The following PKNOX2 variants were observed in gnomAD, a reference collection of about 807,000 sequenced individuals.
PKNOX2 encodes homeobox protein PKNOX2.
PKNOX2 carries 14 observed loss-of-function variants against 53.1 expected under a neutral mutation model. The ratio of observed to expected loss-of-function variants is 0.26; its 90% CI spans 0.17 to 0.41. The LOEUF (loss-of-function observed/expected upper bound fraction) is 0.41, where lower values mean the gene tolerates loss of function less well. PKNOX2 is among the 10% of genes least tolerant of loss of function. The probability of loss-of-function intolerance (pLI) is 1.00; values close to 1 mark genes in which losing one functional copy is unlikely to be tolerated. For missense variants in PKNOX2, 496 were observed against 602.8 expected (o/e 0.82, Z 1.85); for synonymous variants, 257 against 242.8 (o/e 1.06, Z -0.54).
intron 6 of PKNOX2, among the ~76,000 whole-genome samples, chr11:125,389,333 T>C (rs1470248541): frequency 6.6e-6 from 1 of 152,174 alleles, no homozygotes; most frequent in Non-Finnish European, 1.5e-5. Context: ...GATCCTCCGC[T>C]CTGCCCACAA....
At position 125,274,118 on chromosome 11, in the gene PKNOX2, T is replaced by C. The variant is rs575926440; in HGVS notation, c.-130+39003T>C. Among the ~76,000 whole-genome samples the C allele has an allele frequency of 5.9e-5, 9 of 152,356 alleles. No homozygotes were observed. The South Asian group carries it at 1.9e-3, about 32-fold the overall frequency. ...GTGCCTAAAGCTGTGCTAAGTACTT[T>C]GCATTTATTCTCTCATTTACTTTTA... On this transcript the variant is annotated intron_variant, in intron 2 of 12. Transcript: ENST00000298282.
intron 7 of PKNOX2, among the ~76,000 whole-genome samples, chr11:125,407,168 A>G (rs1000626715): frequency 5.3e-5 from 8 of 152,122 alleles, no homozygotes; most frequent in Admixed American, 5.2e-4. Context: ...CCAGCCAAAG[A>G]CCCAGGGAAG....
rs114370803 is a variant in PKNOX2, at chr11:125,308,352, C to G, written c.-129-23467C>G. ...CCCCCAAGAATGGCAGCACCCCCAA[C>G]CCTAGGGCTTTCCTTTCCCACCTCT... On this transcript the variant is annotated intron_variant, in intron 2 of 12. Transcript: ENST00000298282. Among the ~76,000 whole-genome samples the G allele has an allele frequency of 1.1e-3, 164 of 152,326 alleles. 2 individuals are homozygous for G. Among genetic ancestry groups the G allele is most frequent in the African/African-American group, 3.8e-3 (157 of 41,582 alleles).
chr11:125,264,332 C>G (rs930804277), intron 2 of PKNOX2, among the ~76,000 whole-genome samples: 1 of 152,178 alleles, frequency 6.6e-6, no homozygotes, highest in African/African-American at 2.4e-5. Context: ...TGCTAGAGCT[C>G]CTTCCCCAGA....
In PKNOX2 at chr11:125,275,487, A is replaced by C. The variant is rs548940714; in HGVS notation, c.-130+40372A>C. ...GAGGACTATAACGGGGAGAGTGAGGAGAGCTGAGTGTGCTTTAGAAAGACC... is the reference window on the plus strand; with the variant it reads ...GAGGACTATAACGGGGAGAGTGAGGCGAGCTGAGTGTGCTTTAGAAAGACC... On this transcript the variant is annotated intron_variant, in intron 2 of 12. Coordinates refer to ENST00000298282, the MANE Select transcript of PKNOX2 (RefSeq NM_001382323.2). Among the ~76,000 whole-genome samples the C allele has an allele frequency of 3.9e-5, 6 of 152,222 alleles. No individual in the cohort carries two copies. In the South Asian group the frequency reaches 1.2e-3, roughly 32 times the overall value.
At chr11:125,201,919 G>A (rs1419322735) in intron 1 of PKNOX2, among the ~76,000 whole-genome samples, 3 of 152,242 alleles carry the variant, frequency 2.0e-5, no homozygotes, top group Non-Finnish European at 2.9e-5. Context: ...GGGGTCACGA[G>A]CTGCCTTGTG....
At chr11:125,404,526 C>A (rs749102549) in intron 7 of PKNOX2, among the ~76,000 whole-genome samples, 5 of 152,130 alleles carry the variant, frequency 3.3e-5, no homozygotes, top group Admixed American at 2.6e-4. Flanking sequence ...TCTGCCAGAA[C>A]GGAGGGATGC....
chr11:125,413,513 C>T (rs1955687626), intron 10 of PKNOX2, among the ~76,000 whole-genome samples: 1 of 152,200 alleles, frequency 6.6e-6, no homozygotes, highest in Non-Finnish European at 1.5e-5. Flanking sequence ...ATGAAAGCAC[C>T]ACCCGCTCCC....
At chr11:125,238,616 T>C (rs1046423143) in intron 2 of PKNOX2, among the ~76,000 whole-genome samples, 8 of 152,238 alleles carry the variant, frequency 5.3e-5, no homozygotes, top group Admixed American at 3.3e-4. Context: ...AATGCTACTG[T>C]CATTTCTAAG....
intron 4 of PKNOX2, among the ~76,000 whole-genome samples, chr11:125,364,351 A>G (rs887898298): frequency 2.0e-5 from 3 of 152,190 alleles, no homozygotes; most frequent in South Asian, 2.1e-4. Flanking sequence ...TCTTCTTTAC[A>G]TACTTCTGCC....
At chr11:125,223,484 C>A (rs1278519241) in intron 1 of PKNOX2, among the ~76,000 whole-genome samples, 1 of 152,224 alleles carries the variant, frequency 6.6e-6, no homozygotes, top group African/African-American at 2.4e-5. Context: ...CCTGCCTCGG[C>A]CTCCCAAAGT....
chr11:125,268,235 G>T (rs113803566), intron 2 of PKNOX2, among the ~76,000 whole-genome samples: 15 of 152,344 alleles, frequency 9.8e-5, no homozygotes, highest in African/African-American at 3.1e-4. Flanking sequence ...GGGGTTAAAA[G>T]CATCTCTCAA....
intron 10 of PKNOX2, 43 bp from the exon 11 acceptor site, chr11:125,428,969 C>A: frequency 6.4e-7 from 1 of 1,555,568 alleles, no homozygotes; most frequent in African/African-American, 1.4e-5. Context: ...GGGGCCAGAT[C>A]AGCATATGCC....
chr11:125,375,739 G>A (rs1952796059), intron 5 of PKNOX2, among the ~76,000 whole-genome samples: 1 of 152,196 alleles, frequency 6.6e-6, no homozygotes, highest in Admixed American at 6.5e-5. Flanking sequence ...TCCCCTTGAA[G>A]TTCTTTCTCT....
intron 1 of PKNOX2, among the ~76,000 whole-genome samples, chr11:125,178,991 C>A (rs138766324): frequency 6.6e-6 from 1 of 151,988 alleles, no homozygotes; most frequent in East Asian, 1.9e-4. Flanking sequence ...GCTCGGATGG[C>A]GCAGGTCCTT....
chr11:125,372,244 T>C (rs575946280), intron 5 of PKNOX2, among the ~76,000 whole-genome samples: 1 of 152,210 alleles, frequency 6.6e-6, no homozygotes, highest in African/African-American at 2.4e-5. Context: ...GTGATGTAAA[T>C]ACTCATACCA....
chr11:125,369,618 A>G (rs1225315254), intron 5 of PKNOX2, among the ~76,000 whole-genome samples: 2 of 152,158 alleles, frequency 1.3e-5, no homozygotes, highest in East Asian at 1.9e-4. Flanking sequence ...AGAGGAGGCA[A>G]TATTTGAGTT....
chr11:125,204,614 C>G (rs1268586476), intron 1 of PKNOX2, among the ~76,000 whole-genome samples: 2 of 152,198 alleles, frequency 1.3e-5, no homozygotes, highest in Non-Finnish European at 2.9e-5. Flanking sequence ...GGCTCTAATT[C>G]CAGACCTCTC....
At chr11:125,303,326 G>A (rs1186892178) in intron 2 of PKNOX2, among the ~76,000 whole-genome samples, 1 of 152,188 alleles carries the variant, frequency 6.6e-6, no homozygotes, top group Admixed American at 6.5e-5. Flanking sequence ...GAGCAAACGG[G>A]GGTACAGGCT....
Sources: gnomAD v4.1 joint callset for allele counts (sites outside exome capture counted in the v4.1 genomes callset) on GRCh38, gnomAD v4.1.1 for gene constraint, MANE v1.5 for transcripts, NCBI Gene and HGNC (gene_info 2026-07-23, HGNC 2026-07-21) for gene names.